MYO1H: variants seen among roughly 807,000 people sequenced by gnomAD.
MYO1H encodes the protein myosin IH, also known as unconventional myosin-Ih.
A neutral mutation model predicts 149.3 loss-of-function variants in MYO1H; 118 were observed. The ratio of observed to expected loss-of-function variants is 0.79; its 90% confidence interval spans 0.68 to 0.92. The LOEUF is 0.92. Ranked by LOEUF, MYO1H falls within the 40% of genes least tolerant of loss-of-function variation. MYO1H has a pLI of 0.00. For synonymous variants in MYO1H, 447 were observed against 465.2 expected (o/e 0.96, Z 0.50); for missense variants, 1,212 against 1,280.7 (o/e 0.95, Z 0.82).
chr12:109,326,443 C>A, the MYO1H span, among the ~76,000 whole-genome samples: 2 of 152,104 alleles, frequency 1.3e-5, no homozygotes, highest in African/African-American at 4.8e-5. Context: ...GAGTAACAAG[C>A]CACCTAGATT....
At chr12:109,318,034 C>G in the MYO1H span, among the ~76,000 whole-genome samples, 1 of 152,300 alleles carries the variant, frequency 6.6e-6, no homozygotes. Context: ...AAAGTCTGTT[C>G]TGTCAGGTTT....
At chr12:109,342,448 A>ATT in the MYO1H span, among the ~76,000 whole-genome samples, 12 of 148,590 alleles carry the variant, frequency 8.1e-5, no homozygotes, top group African/African-American at 2.5e-4. Flanking sequence ...TCCAGTCCTG[A>ATT]TTTTTTTTAA....
At chr12:109,315,391 AGACTGG>A in the MYO1H span, among the ~76,000 whole-genome samples, 1 of 152,198 alleles carries the variant, frequency 6.6e-6, no homozygotes, top group Admixed American at 6.5e-5. Flanking sequence ...CTACATTATT[AGACTGG>A]GACTATTACT....
chr12:109,368,524 C>T (rs1262983598), intron 1 of MYO1H, among the ~76,000 whole-genome samples: 1 of 151,462 alleles, frequency 6.6e-6, no homozygotes, highest in Non-Finnish European at 1.5e-5. Flanking sequence ...GGTGCAGTGG[C>T]ACACACCTTT....
intron 1 of MYO1H, among the ~76,000 whole-genome samples, chr12:109,378,327 ATTTATTT>A (rs974829793): frequency 1.4e-5 from 2 of 147,402 alleles, no homozygotes; most frequent in Non-Finnish European, 3.0e-5. Context: ...TTATTTATTT[ATTTATTT>A]TTTTGAGATA....
chr12:109,347,494 T>C (rs561057701), upstream of MYO1H, among the ~76,000 whole-genome samples: 11 of 152,322 alleles, frequency 7.2e-5, no homozygotes, highest in African/African-American at 2.6e-4. Flanking sequence ...TTTAAGGCTG[T>C]AAAGTTTTTC....
chr12:109,392,924 C>T (rs1428689909), intron 2 of MYO1H, among the ~76,000 whole-genome samples: 1 of 151,770 alleles, frequency 6.6e-6, no homozygotes, highest in African/African-American at 2.4e-5. Context: ...ATTCTCCTGC[C>T]TCCGCCTCCC....
intron 2 of MYO1H, among the ~76,000 whole-genome samples, chr12:109,393,049 C>T (rs767952817): frequency 2.6e-5 from 4 of 151,926 alleles, no homozygotes; most frequent in Non-Finnish European, 4.4e-5. Flanking sequence ...GACCTGTGAT[C>T]CACCCGCCTC....
rs930387921 is a variant in MYO1H at position 109,438,668 on chromosome 12, C to T, written c.2294+48C>T. ...GAGGACAGGTCACTAAATGCTGGTA[C>T]CCTGCAGGGATGGTCATGGAGGTAG... On this transcript the variant is annotated intron_variant, in intron 23 of 31. Coordinates refer to ENST00000310903, the Ensembl canonical transcript of MYO1H. The T allele has an allele frequency of 7.9e-6, 11 of 1,393,314 alleles. No individual in the cohort carries two copies. In the African/African-American group the frequency reaches 1.3e-4, roughly 16 times the overall value. 86.3% of individuals were successfully genotyped at this position (1,393,314 alleles called of 1,614,324 possible).
exon 6 of MYO1H, chr12:109,401,164 C>G: frequency 6.2e-7 from 1 of 1,613,868 alleles, no homozygotes; most frequent in East Asian, 2.2e-5. Flanking sequence ...AAAACGAAGG[C>G]GAGCGGAATT....
At chr12:109,433,722 C>T (rs1180011605) in intron 20 of MYO1H, among the ~76,000 whole-genome samples, 1 of 151,948 alleles carries the variant, frequency 6.6e-6, no homozygotes, top group African/African-American at 2.4e-5. Flanking sequence ...CTGTAGACTC[C>T]TATTCTGGGC....
At chr12:109,339,711 C>A in the MYO1H span, among the ~76,000 whole-genome samples, 1 of 152,102 alleles carries the variant, frequency 6.6e-6, no homozygotes, top group Non-Finnish European at 1.5e-5. Context: ...GGAGAGGAAG[C>A]CTTAAAGATA....
rs1288253052 is a variant in MYO1H, at chr12:109,443,191, CGT to C, written c.2689-322_2689-321del. ...GTGTACGTATGTGTGTATATGTGTA[CGT>C]ATATGTGTGTATATGTGTACGTATA... is the stretch of plus-strand genomic sequence containing the variant. On this transcript the variant is annotated intron_variant, in intron 27 of 31. Coordinates refer to ENST00000310903, the Ensembl canonical transcript of MYO1H. 8.8e-4 allele frequency among the ~76,000 whole-genome samples: 19 copies of C among 21,612 alleles called. 1 individual carries two copies. The highest frequency in any genetic ancestry group is 4.3e-3 in the South Asian group (4 of 920). 14.2% of individuals were successfully genotyped at this position (21,612 alleles called of 152,430 possible).
At chr12:109,359,736 G>A (rs1868698154) in intron 1 of MYO1H, among the ~76,000 whole-genome samples, 1 of 152,208 alleles carries the variant, frequency 6.6e-6, no homozygotes, top group Non-Finnish European at 1.5e-5. Flanking sequence ...TCCTTCACAA[G>A]CACCATGATT....
At chr12:109,436,543 A>G (rs767610422) in exon 22 of MYO1H, 1 of 1,608,830 alleles carries the variant, frequency 6.2e-7, no homozygotes, top group Non-Finnish European at 8.5e-7. Flanking sequence ...AATACGTGAA[A>G]AAAAGACAAG....
intron 1 of MYO1H, among the ~76,000 whole-genome samples, chr12:109,363,100 A>G (rs1868788138): frequency 6.6e-6 from 1 of 152,198 alleles, no homozygotes; most frequent in African/African-American, 2.4e-5. Flanking sequence ...TCACCAGCAC[A>G]TTTGATATGC....
chr12:109,388,798 C>A (rs918546062), exon 2 of MYO1H: 2 of 1,613,076 alleles, frequency 1.2e-6, no homozygotes, highest in African/African-American at 2.7e-5. Flanking sequence ...AGCGAATCTG[C>A]CTTTGTCGAC....
At chr12:109,444,528 A>G (rs1394242843) in exon 30 of MYO1H, 1 of 1,612,450 alleles carries the variant, frequency 6.2e-7, no homozygotes, top group Non-Finnish European at 8.5e-7. Flanking sequence ...TGTTCAAGGA[A>G]GGTAGGTGGC....
intron 1 of MYO1H, among the ~76,000 whole-genome samples, chr12:109,352,393 G>C (rs760516927): frequency 2.0e-5 from 3 of 151,894 alleles, no homozygotes; most frequent in Non-Finnish European, 4.4e-5. Flanking sequence ...CTTCCCCCAG[G>C]GTCTTTATGT....
Sources: allele counts gnomAD v4.1 joint callset (sites outside exome capture counted in the v4.1 genomes callset), GRCh38; gene constraint gnomAD v4.1.1; transcripts MANE v1.5; gene names NCBI Gene and HGNC (gene_info 2026-07-23, HGNC 2026-07-21).